The following ZNF142 variants were observed in gnomAD, a reference collection of about 807,000 sequenced individuals.
ZNF142 encodes the protein zinc finger protein 142 (clone pHZ-49).
In ZNF142, 96 loss-of-function variants were observed where a neutral mutation model predicts 132.1. The ratio of observed to expected loss-of-function variants is 0.73; its 90% confidence interval spans 0.62 to 0.86. The LOEUF (loss-of-function observed/expected upper bound fraction) is 0.86, where lower values mean the gene tolerates loss of function less well. Ranked by LOEUF, ZNF142 falls within the 40% of genes least tolerant of loss-of-function variation. The pLI is 0.00. For missense variants in ZNF142, 2,163 were observed against 2,336.2 expected (o/e 0.93, Z 1.53); for synonymous variants, 842 against 890.1 (o/e 0.95, Z 0.96).
intron 10 of ZNF142, 105 bp from the exon 11 acceptor site, chr2:218,638,913 G>C (rs1221820267): frequency 1.2e-6 from 1 of 860,618 alleles, no homozygotes; most frequent in South Asian, 1.8e-5. Context: ...GCAGCAAGTT[G>C]ACTAATGACC....
chr2:218,640,215 T>C (rs939499760), intron 10 of ZNF142, among the ~76,000 whole-genome samples: 2 of 151,908 alleles, frequency 1.3e-5, no homozygotes, highest in South Asian at 2.1e-4. Context: ...AGGCACACGA[T>C]TGTGTGCTTT....
chr2:218,634,737 CA>C lies in ZNF142; in HGVS notation c.*3601del. ...ATGTAGAGGCCGGATAGCCTATTAA[CA>C]GTGTCTAGTTTTAGCTTTTGGAGCC... On this transcript the variant is annotated 3_prime_UTR_variant, in exon 11 of 11. Coordinates refer to ENST00000411696, the MANE Select transcript of ZNF142 (RefSeq NM_001379659.1). This position sits in a 1 kb window ranked among gnomAD's most constrained non-coding sequence, Gnocchi z 4.0. The C allele has an allele frequency of 2.3e-6, 3 of 1,313,978 alleles. No homozygotes were observed. The highest frequency in any genetic ancestry group is 3.2e-6 in the Non-Finnish European group (3 of 951,884). 81.4% of individuals were successfully genotyped at this position (1,313,978 alleles called of 1,614,324 possible).
chr2:218,644,575 C>A lies in ZNF142; in HGVS notation c.2541G>T (p.Val847=). ...GGGCCTGGTCCAAGCTGGGGTCCAC[C>A]ACAGTCCCAGGTTCGTGACCTGGCC... The part of the protein sequence containing the change: ...PEGPGHEPGT[V]VDPSLDQALP... Residue 847 remains valine (V), a synonymous_variant, in exon 9 of 11, where the codon GTG becomes GTT. Coordinates refer to ENST00000411696, the MANE Select transcript of ZNF142 (RefSeq NM_001379659.1). This position sits in a 1 kb window ranked among gnomAD's most constrained non-coding sequence, Gnocchi z 4.6. The A allele has an allele frequency of 6.2e-7, 1 of 1,614,150 alleles. No homozygotes were observed. Among genetic ancestry groups the A allele is most frequent in the Non-Finnish European group, 8.5e-7 (1 of 1,180,048 alleles).
At position 218,636,478 on chromosome 2, in the gene ZNF142, C is replaced by T. The variant is rs772560475; in HGVS notation, c.*1861G>A. ...TCCTCCTGCCCCTTCCAGGTTACCG[C>T]CACATTCACCTGCTGTCCAAAGATG... On this transcript the variant is annotated 3_prime_UTR_variant, in exon 11 of 11. Transcript: ENST00000411696. The T allele has an allele frequency of 2.5e-6, 4 of 1,613,924 alleles. No individual in the cohort carries two copies. The African/African-American group carries it at 4.0e-5, about 16-fold the overall frequency.
chr2:218,652,540 T>C (rs1023974644), intron 4 of ZNF142, among the ~76,000 whole-genome samples: 1 of 152,194 alleles, frequency 6.6e-6, no homozygotes, highest in Non-Finnish European at 1.5e-5. Flanking sequence ...TAAATATTTG[T>C]TAAATGAGTG....
rs199870407 is a variant in ZNF142, at chr2:218,644,692, G to A, written c.2424C>T (p.Arg808=). 279 of 1,614,108 alleles carry A rather than the reference G, an allele frequency of 1.7e-4. 1 individual carries two copies. The highest frequency in any genetic ancestry group is 1.6e-4 in the Middle Eastern group (1 of 6,084). ...YVPGDQAWQL[R]YASQEPEGAM... ...CCCCTTCTGGCTCCTGGCTTGCATAGCGGAGCTGCCAGGCCTGGTCTCCAG... is the reference window on the plus strand; with the variant it reads ...CCCCTTCTGGCTCCTGGCTTGCATAACGGAGCTGCCAGGCCTGGTCTCCAG... Residue 808 remains arginine (R), a synonymous_variant, in exon 9 of 11, where the codon CGC becomes CGT. Coordinates refer to ENST00000411696, the MANE Select transcript of ZNF142 (RefSeq NM_001379659.1). This position sits in a 1 kb window ranked among gnomAD's most constrained non-coding sequence, Gnocchi z 4.6.
Position 218,643,199 on chromosome 2 carries a change from CAGG to C in ZNF142, c.3914_3916del (p.Ser1305del). On this transcript the variant is annotated inframe_deletion, in exon 9 of 11. Coordinates refer to ENST00000411696, the MANE Select transcript of ZNF142 (RefSeq NM_001379659.1). ...CTGGCAGCTAAAGGGACATGTAGGG[CAGG>C]AGAAGCGAGCCCCCTTCTGCTTTTG... 2 of 1,614,244 alleles carry C rather than the reference CAGG, an allele frequency of 1.2e-6. No individual in the cohort carries two copies. Among genetic ancestry groups the C allele is most frequent in the Non-Finnish European group, 1.7e-6 (2 of 1,180,044 alleles).
In ZNF142 at chr2:218,648,620, T is replaced by C. The variant is rs1466982678; in HGVS notation, c.1873+15A>G. The stretch of plus-strand genomic sequence containing the variant: ...CATTATTACAACATTATTTTAAGGA[T>C]GGAAACCATCCTACCCGTATGTAGA... On this transcript the variant is annotated intron_variant, in intron 7 of 10. Transcript: ENST00000411696. The C allele has an allele frequency of 6.2e-7, 1 of 1,605,406 alleles. No homozygotes were observed.
Position 218,634,297 on chromosome 2 carries a change from G to C in ZNF142, c.*4042C>G. The C allele has an allele frequency of 1.3e-6, 2 of 1,572,504 alleles. No individual in the cohort carries two copies. The highest frequency in any genetic ancestry group is 1.7e-6 in the Non-Finnish European group (2 of 1,159,142). On this transcript the variant is annotated 3_prime_UTR_variant, in exon 11 of 11. Transcript: ENST00000411696. This position sits in a 1 kb window ranked among gnomAD's most constrained non-coding sequence, Gnocchi z 4.0. ...GAAATAAGTTCTCTAGTGATGGTAG[G>C]GTTGGGGAATGCTCAAGAAAATTGC...
Position 218,642,656 on chromosome 2 carries a change from G to A in ZNF142, c.4460C>T (p.Ala1487Val). The A allele has an allele frequency of 1.9e-6, 3 of 1,614,128 alleles. No individual in the cohort carries two copies. In the South Asian group the frequency reaches 3.3e-5, roughly 18 times the overall value. The change falls in exon 9 of 11, where the codon GCC becomes GTC. Residue 1487 changes from alanine to valine, a missense_variant. By Grantham distance (64) the Ala-to-Val change is moderately conservative. Coordinates refer to ENST00000411696, the MANE Select transcript of ZNF142 (RefSeq NM_001379659.1). The surrounding 1 kb of genome is among the most constrained non-coding windows in gnomAD (Gnocchi z 4.6). The stretch of plus-strand genomic sequence containing the variant: ...GAACTGGGCTTCACACTGGGAGCAG[G>A]CAAAGGCTGGGGTGCCTTGGTGGCA... ...NSCHQGTPAF[A>V]CSQCEAQFSS... is the part of the protein sequence containing the mutation.
intron 5 of ZNF142, 32 bp downstream of exon 5, chr2:218,651,669 G>A (rs1938004652): frequency 1.6e-6 from 2 of 1,247,818 alleles, no homozygotes; most frequent in Admixed American, 5.2e-5. Flanking sequence ...CTGAACTCCA[G>A]GAGAGGAACT....
rs1329707014 is a variant in ZNF142, at chr2:218,634,293, G to A, written c.*4046C>T. ...GTGGGAAATAAGTTCTCTAGTGATG[G>A]TAGGGTTGGGGAATGCTCAAGAAAA... On this transcript the variant is annotated 3_prime_UTR_variant, in exon 11 of 11. Coordinates refer to ENST00000411696, the MANE Select transcript of ZNF142 (RefSeq NM_001379659.1). This position sits in a 1 kb window ranked among gnomAD's most constrained non-coding sequence, Gnocchi z 4.0. 6.4e-7 allele frequency: 1 copy of A among 1,573,834 alleles called. No homozygotes were observed. Among genetic ancestry groups the A allele is most frequent in the Non-Finnish European group, 8.6e-7 (1 of 1,159,716 alleles).
chr2:218,651,920 C>A lies in ZNF142; in HGVS notation c.661G>T (p.Val221Phe). The A allele has an allele frequency of 8.0e-7, 1 of 1,247,230 alleles. No individual in the cohort carries two copies. The highest frequency in any genetic ancestry group is 5.6e-5 in the East Asian group (1 of 17,826). The allele number at this position is 1,247,230 out of a possible 1,614,324, so 77.3% of individuals were successfully genotyped here. A position where few individuals can be genotyped will look rare whatever the true frequency, so the allele number is the denominator to read the frequency against. Residue 221 changes from valine to phenylalanine, a missense_variant, in exon 5 of 11, where the codon GTT (valine) becomes TTT (phenylalanine). By Grantham distance (50) the Val-to-Phe change is conservative (BLOSUM62 -1). Coordinates refer to ENST00000411696, the MANE Select transcript of ZNF142 (RefSeq NM_001379659.1). ...CCCCGGAAAGAACAGGGCACAGGAA[C>A]TGCTCTGTGAGTCTGCCTCAGGTGG... The part of the protein sequence containing the change: ...QHHLRQTHRA[V>F]PVPCSFRGCP...
chr2:218,640,574 C>A, intron 10 of ZNF142, 90 bp downstream of exon 10: 1 of 1,177,676 alleles, frequency 8.5e-7, no homozygotes, highest in East Asian at 2.4e-5. Flanking sequence ...GATGTTGGCC[C>A]TGAATTGGAA....
intron 9 of ZNF142, among the ~76,000 whole-genome samples, chr2:218,641,489 C>T (rs772954744): frequency 9.5e-5 from 14 of 148,050 alleles, no homozygotes; most frequent in Non-Finnish European, 1.5e-4. Flanking sequence ...CATGATCCGC[C>T]CACCTTGGCC....
At chr2:218,651,072 C>T (rs1937943978) in intron 5 of ZNF142, among the ~76,000 whole-genome samples, 1 of 151,622 alleles carries the variant, frequency 6.6e-6, no homozygotes, top group South Asian at 2.1e-4. Flanking sequence ...CTGCAACCTC[C>T]ACCTCCTGAG....
At position 218,641,278 on chromosome 2, in the gene ZNF142, G is replaced by A. The variant is rs375857758; in HGVS notation, c.5089-509C>T. On this transcript the variant is annotated intron_variant, in intron 9 of 10. Coordinates refer to ENST00000411696, the MANE Select transcript of ZNF142 (RefSeq NM_001379659.1). ...TTTTTTTTTTTTGAGATGGAGTCTC[G>A]CTGTGTCGCCCAGGCTGGAGTGCAG... is the stretch of plus-strand genomic sequence containing the variant. 1.0e-3 allele frequency among the ~76,000 whole-genome samples: 125 copies of A among 124,734 alleles called. 1 individual carries two copies. The Middle Eastern group carries it at 0.038, about 38-fold the overall frequency. 81.8% of individuals were successfully genotyped at this position (124,734 alleles called of 152,430 possible).
chr2:218,636,510 G>C lies in ZNF142; in HGVS notation c.*1829C>G, dbSNP rs1448344524. On this transcript the variant is annotated 3_prime_UTR_variant, in exon 11 of 11. Transcript: ENST00000411696. ...CACCTGCTGTCCAAAGATGGCATCA[G>C]CCTCCGCCCAGCTTCCATCTTTGTG... The C allele has an allele frequency of 6.2e-7, 1 of 1,613,872 alleles. No homozygotes were observed. The highest frequency in any genetic ancestry group is 8.5e-7 in the Non-Finnish European group (1 of 1,179,894).
chr2:218,641,109 A>T (rs2106198560), intron 9 of ZNF142, among the ~76,000 whole-genome samples: 1 of 151,966 alleles, frequency 6.6e-6, no homozygotes, highest in East Asian at 1.9e-4. Context: ...TAATTAAAAA[A>T]ATTTATTTTT....
Sources: gnomAD v4.1 joint callset for allele counts (sites outside exome capture counted in the v4.1 genomes callset) on GRCh38, gnomAD v4.1.1 for gene constraint, Gnocchi (gnomAD v3.1) non-coding constraint, MANE v1.5 for transcripts, NCBI Gene and HGNC (gene_info 2026-07-23, HGNC 2026-07-21) for gene names.